GRIA4: variants seen among roughly 807,000 people sequenced by gnomAD.
The protein encoded by GRIA4 is glutamate ionotropic receptor AMPA type subunit 4.
A neutral mutation model predicts 104.0 loss-of-function variants in GRIA4; 34 were observed. The ratio of observed to expected loss-of-function variants is 0.33; its 90% CI spans 0.25 to 0.44. The LOEUF (loss-of-function observed/expected upper bound fraction) is 0.44, where lower values mean the gene tolerates loss of function less well. Among genes scored for constraint, GRIA4 ranks in the 20% least tolerant of loss-of-function variants. The pLI, the probability that GRIA4 is intolerant of heterozygous loss-of-function variation, is 1.00. For missense variants in GRIA4, 750 were observed against 1,096.5 expected (o/e 0.68, Z 4.46); for synonymous variants, 386 against 381.9 (o/e 1.01, Z -0.13).
intron 4 of GRIA4, among the ~76,000 whole-genome samples, chr11:105,775,164 C>T (rs2135753344): frequency 6.6e-6 from 1 of 152,204 alleles, no homozygotes; most frequent in African/African-American, 2.4e-5. Flanking sequence ...CTTCACATGC[C>T]TTCTCCTCTT....
In GRIA4 at chr11:105,753,066, C is replaced by G. The variant is rs775084017; in HGVS notation, c.333C>G (p.Ser111Arg). 2 of 1,613,704 alleles carry G rather than the reference C, an allele frequency of 1.2e-6. No homozygotes were observed. The highest frequency in any genetic ancestry group is 8.5e-7 in the Non-Finnish European group (1 of 1,179,776). ...RSVHTLTSFC[S>R]ALHISLITPS... ...TACATACCTTGACCTCATTCTGCAG[C>G]GCCTTACATATCTCCCTCATCACAC... The change falls in exon 4 of 17, where the codon AGC (serine) becomes AGG (arginine). Residue 111 changes from serine (S) to arginine (R), a missense_variant. Transcript: ENST00000282499.
intron 4 of GRIA4, among the ~76,000 whole-genome samples, chr11:105,852,187 T>C (rs909630929): frequency 3.3e-5 from 5 of 152,236 alleles, no homozygotes; most frequent in Admixed American, 6.5e-5. Context: ...AAATACGGAA[T>C]TTAAGAAAAA....
intron 9 of GRIA4, among the ~76,000 whole-genome samples, chr11:105,906,968 C>T (rs1401161480): frequency 2.0e-5 from 3 of 152,204 alleles, no homozygotes; most frequent in Non-Finnish European, 1.5e-5. Flanking sequence ...CTCCTTGCCA[C>T]ACACCAGACC....
At position 105,963,519 on chromosome 11, in the gene GRIA4, T is replaced by C. The variant is rs551714500; in HGVS notation, c.2295-8395T>C. Among the ~76,000 whole-genome samples, 3 of 152,194 alleles carry C rather than the reference T, an allele frequency of 2.0e-5. No individual in the cohort carries two copies. The South Asian group carries it at 6.2e-4, about 32-fold the overall frequency. ...ACATGCATTATTAAAGAAAGGTAAA[T>C]TTCATATATGATGGTATTAAGTGGA... On this transcript the variant is annotated intron_variant, in intron 14 of 16. Transcript: ENST00000282499.
At chr11:105,865,265 A>G (rs1167278884) in intron 5 of GRIA4, among the ~76,000 whole-genome samples, 1 of 152,236 alleles carries the variant, frequency 6.6e-6, no homozygotes, top group Admixed American at 6.5e-5. Context: ...GAGTAGAAAC[A>G]TATTGAAACC....
intron 5 of GRIA4, among the ~76,000 whole-genome samples, chr11:105,870,421 G>T (rs1044431688): frequency 6.6e-6 from 1 of 151,740 alleles, no homozygotes; most frequent in African/African-American, 2.4e-5. Flanking sequence ...CATTTATCCA[G>T]TACCTACTAA....
chr11:105,894,870 G>T (rs1475417030), intron 6 of GRIA4, among the ~76,000 whole-genome samples: 1 of 141,510 alleles, frequency 7.1e-6, no homozygotes, highest in Non-Finnish European at 1.5e-5. Context: ...CGCAATCTCG[G>T]CTCACTGCAA....
chr11:105,745,586 A>G (rs1355166919), intron 3 of GRIA4, among the ~76,000 whole-genome samples: 2 of 152,176 alleles, frequency 1.3e-5, no homozygotes, highest in African/African-American at 4.8e-5. Context: ...TTAATTCACA[A>G]TCCTCATAAG....
chr11:105,696,787 A>G (rs1953293663), intron 3 of GRIA4, among the ~76,000 whole-genome samples: 3 of 151,778 alleles, frequency 2.0e-5, no homozygotes, highest in Non-Finnish European at 2.9e-5. Flanking sequence ...TTATTGAAAC[A>G]GAGTTTTGCT....
chr11:105,668,463 G>T (rs1952247474), intron 3 of GRIA4, among the ~76,000 whole-genome samples: 1 of 151,222 alleles, frequency 6.6e-6, no homozygotes, highest in East Asian at 1.9e-4. Context: ...AAACATGGAA[G>T]TGCAGATATC....
chr11:105,690,243 T>C (rs1397105547), intron 3 of GRIA4, among the ~76,000 whole-genome samples: 3 of 152,230 alleles, frequency 2.0e-5, no homozygotes, highest in Non-Finnish European at 2.9e-5. Flanking sequence ...CTCTCACTGC[T>C]TCTGCCTTTA....
chr11:105,680,410 G>T (rs1952672367), intron 3 of GRIA4, among the ~76,000 whole-genome samples: 1 of 152,054 alleles, frequency 6.6e-6, no homozygotes, highest in Non-Finnish European at 1.5e-5. Context: ...GACCTGCAAG[G>T]TTAATGCCTC....
At chr11:105,650,839 C>G (rs1438922902) in intron 3 of GRIA4, among the ~76,000 whole-genome samples, 1 of 152,100 alleles carries the variant, frequency 6.6e-6, no homozygotes, top group Non-Finnish European at 1.5e-5. Context: ...TGAAGATTGT[C>G]TATAAATATT....
chr11:105,784,677 C>CA (rs1362206971), intron 4 of GRIA4, among the ~76,000 whole-genome samples: 3 of 152,108 alleles, frequency 2.0e-5, no homozygotes, highest in Non-Finnish European at 4.4e-5. Context: ...ATCAATTTTG[C>CA]ACAAGTATGC....
chr11:105,840,640 T>C (rs1473851486), intron 4 of GRIA4, among the ~76,000 whole-genome samples: 1 of 152,180 alleles, frequency 6.6e-6, no homozygotes, highest in Non-Finnish European at 1.5e-5. Context: ...TTCTATACGA[T>C]ATTATAAGAC....
chr11:105,661,885 G>T (rs1290060741), intron 3 of GRIA4, among the ~76,000 whole-genome samples: 1 of 151,486 alleles, frequency 6.6e-6, no homozygotes, highest in Non-Finnish European at 1.5e-5. Context: ...TCTTAATCAC[G>T]CTTATATATT....
chr11:105,795,185 G>T (rs1942429669), intron 4 of GRIA4, among the ~76,000 whole-genome samples: 2 of 152,106 alleles, frequency 1.3e-5, no homozygotes, highest in African/African-American at 4.8e-5. Flanking sequence ...GTAGTTCTGA[G>T]AAAAGAACTA....
intron 3 of GRIA4, among the ~76,000 whole-genome samples, chr11:105,627,609 C>A (rs1950920622): frequency 6.6e-6 from 1 of 152,076 alleles, no homozygotes; most frequent in African/African-American, 2.4e-5. Flanking sequence ...TTTGTAAGAC[C>A]CATTTTGGTA....
chr11:105,859,559 A>G (rs1253889286), intron 4 of GRIA4, among the ~76,000 whole-genome samples: 1 of 152,198 alleles, frequency 6.6e-6, no homozygotes, highest in Non-Finnish European at 1.5e-5. Flanking sequence ...CATTCTGTAA[A>G]AGTCATGTCA....
Sources: gnomAD v4.1 joint callset for allele counts (sites outside exome capture counted in the v4.1 genomes callset) on GRCh38, gnomAD v4.1.1 for gene constraint, MANE v1.5 for transcripts, NCBI Gene and HGNC (gene_info 2026-07-23, HGNC 2026-07-21) for gene names.